The following PTPRD variants were observed in gnomAD, a reference collection of about 807,000 sequenced individuals.
The protein encoded by PTPRD is receptor-type tyrosine-protein phosphatase delta.
Under a neutral mutation model 214.5 loss-of-function variants are expected in PTPRD, and 34 were observed. That is an observed-to-expected ratio of 0.16 (90% CI 0.12 to 0.21). The LOEUF (loss-of-function observed/expected upper bound fraction) is 0.21. Among genes scored for constraint, PTPRD ranks in the 10% least tolerant of loss-of-function variants. The pLI is 1.00. For synonymous variants in PTPRD, 1,128 were observed against 845.7 expected (o/e 1.33, Z -5.79); for missense variants, 2,545 against 2,398.7 (o/e 1.06, Z -1.27).
At chr9:10,136,719 G>C (rs1244024095) in intron 3 of PTPRD, among the ~76,000 whole-genome samples, 1 of 83,246 alleles carries the variant, frequency 1.2e-5, no homozygotes, top group Non-Finnish European at 2.2e-5. Context: ...TTAAACTAAA[G>C]AGCTTCTGCA....
chr9:8,684,145 AG>A (rs1282977522), intron 12 of PTPRD, among the ~76,000 whole-genome samples: 1 of 152,304 alleles, frequency 6.6e-6, no homozygotes, highest in Admixed American at 6.5e-5. Context: ...AATCTGTGAT[AG>A]TAACAGATGT....
At chr9:10,211,715 T>C (rs538031108) in intron 3 of PTPRD, among the ~76,000 whole-genome samples, 4 of 152,218 alleles carry the variant, frequency 2.6e-5, no homozygotes, top group African/African-American at 7.2e-5. Flanking sequence ...TCAAAAACCA[T>C]ATATTCTTAC....
At chr9:8,734,346 T>A (rs1366260068) in intron 11 of PTPRD, among the ~76,000 whole-genome samples, 1 of 152,232 alleles carries the variant, frequency 6.6e-6, no homozygotes, top group Non-Finnish European at 1.5e-5. Context: ...TAAGAGAAGT[T>A]CCTCCATGCA....
intron 3 of PTPRD, among the ~76,000 whole-genome samples, chr9:10,288,611 G>A (rs1177545891): frequency 6.6e-6 from 1 of 152,092 alleles, no homozygotes; most frequent in Non-Finnish European, 1.5e-5. Flanking sequence ...AAGAACAGCA[G>A]GAGAATTTGC....
At chr9:10,169,815 T>G (rs1485144732) in intron 3 of PTPRD, among the ~76,000 whole-genome samples, 3 of 152,126 alleles carry the variant, frequency 2.0e-5, no homozygotes, top group African/African-American at 7.2e-5. Flanking sequence ...CAACCAAAAA[T>G]TAGTAGACAT....
chr9:8,997,382 A>G (rs529000965), intron 11 of PTPRD, among the ~76,000 whole-genome samples: 1 of 152,136 alleles, frequency 6.6e-6, no homozygotes, highest in Non-Finnish European at 1.5e-5. Context: ...GGTAATTTTC[A>G]CAATATTTCA....
chr9:9,299,693 G>T lies in PTPRD; in HGVS notation c.-203+97756C>A, dbSNP rs1202304993. On this transcript the variant is annotated intron_variant, in intron 9 of 45. Coordinates refer to ENST00000381196, the MANE Select transcript of PTPRD (RefSeq NM_002839.4). ...GTGCCCAAAGTATTTTTGATTAAAG[G>T]TGAATTTCCATTGGTGTGATCTTAT... is the stretch of plus-strand genomic sequence containing the variant. Among the ~76,000 whole-genome samples, 6 of 151,508 alleles carry T rather than the reference G, an allele frequency of 4.0e-5. No individual in the cohort carries two copies. In the East Asian group the frequency reaches 1.2e-3, roughly 30 times the overall value.
chr9:9,533,438 A>G (rs1332969586), intron 8 of PTPRD, among the ~76,000 whole-genome samples: 2 of 152,012 alleles, frequency 1.3e-5, no homozygotes, highest in Non-Finnish European at 2.9e-5. Context: ...TTATTGCACC[A>G]TGGCATTATC....
chr9:9,492,061 A>C (rs2095930059), intron 8 of PTPRD, among the ~76,000 whole-genome samples: 1 of 151,940 alleles, frequency 6.6e-6, no homozygotes, highest in Non-Finnish European at 1.5e-5. Flanking sequence ...AAGTGGGGGC[A>C]TTATCACCAA....
intron 3 of PTPRD, among the ~76,000 whole-genome samples, chr9:10,328,082 C>G: frequency 7.0e-6 from 1 of 142,994 alleles, no homozygotes; most frequent in Admixed American, 6.7e-5. Flanking sequence ...CAACACTAAA[C>G]AAACAAAAAA....
At chr9:8,895,296 G>A (rs1446320578) in intron 11 of PTPRD, among the ~76,000 whole-genome samples, 2 of 151,744 alleles carry the variant, frequency 1.3e-5, no homozygotes, top group Non-Finnish European at 2.9e-5. Context: ...GCCCTTCCAA[G>A]AGGGTCTGGC....
chr9:9,348,947 C>A (rs2050013231), intron 9 of PTPRD, among the ~76,000 whole-genome samples: 3 of 151,988 alleles, frequency 2.0e-5, no homozygotes, highest in African/African-American at 7.2e-5. Flanking sequence ...GGAGACTAAA[C>A]CTATTTTAAT....
chr9:8,750,486 A>C (rs2093408570), intron 11 of PTPRD, among the ~76,000 whole-genome samples: 1 of 152,062 alleles, frequency 6.6e-6, no homozygotes, highest in East Asian at 1.9e-4. Flanking sequence ...GTACCTGGTA[A>C]GTGCTCGAAA....
chr9:8,943,325 T>C (rs967346996), intron 11 of PTPRD, among the ~76,000 whole-genome samples: 1 of 151,930 alleles, frequency 6.6e-6, no homozygotes, highest in Non-Finnish European at 1.5e-5. Flanking sequence ...AAACCTACCC[T>C]GAGCAAAAAG....
intron 35 of PTPRD, among the ~76,000 whole-genome samples, chr9:8,428,330 T>C (rs1425362169): frequency 2.0e-5 from 3 of 152,200 alleles, no homozygotes; most frequent in Non-Finnish European, 4.4e-5. Flanking sequence ...TCTGGAATAG[T>C]AAATTTAGCC....
Position 8,862,683 on chromosome 9 carries a change from G to GA in PTPRD, c.-103-128738dup, listed in dbSNP as rs529300791. ...TCATTTATGCTTTCTTTTTCCACGTGAAAAAAATACACTTTCCTTTTCTTC... is the reference window on the plus strand; with the variant it reads ...TCATTTATGCTTTCTTTTTCCACGTGAAAAAAAATACACTTTCCTTTTCTTC... On this transcript the variant is annotated intron_variant, in intron 11 of 45. Transcript: ENST00000381196. Among the ~76,000 whole-genome samples the GA allele has an allele frequency of 3.4e-4, 52 of 152,176 alleles. 1 individual carries two copies. The highest frequency in any genetic ancestry group is 8.3e-4 in the South Asian group (4 of 4,824).
At chr9:9,241,705 T>G (rs1049216245) in intron 9 of PTPRD, among the ~76,000 whole-genome samples, 4 of 151,826 alleles carry the variant, frequency 2.6e-5, no homozygotes, top group African/African-American at 9.7e-5. Context: ...TGGTAGATCT[T>G]CCTCCAACCC....
intron 14 of PTPRD, among the ~76,000 whole-genome samples, chr9:8,547,195 C>T (rs957117642): frequency 1.3e-5 from 2 of 152,016 alleles, no homozygotes; most frequent in African/African-American, 4.8e-5. Context: ...CAAATGAATC[C>T]ACATTTCCCA....
intron 4 of PTPRD, among the ~76,000 whole-genome samples, chr9:10,006,037 T>C (rs1328362138): frequency 6.6e-6 from 1 of 151,994 alleles, no homozygotes; most frequent in African/African-American, 2.4e-5. Context: ...TATGTACATA[T>C]GCAAATATAT....
Sources: allele counts gnomAD v4.1 joint callset (sites outside exome capture counted in the v4.1 genomes callset), GRCh38; gene constraint gnomAD v4.1.1; transcripts MANE v1.5; gene names NCBI Gene and HGNC (gene_info 2026-07-23, HGNC 2026-07-21).